Variants in FARP1 observed in about 807,000 individuals in gnomAD.
The protein encoded by FARP1 is FERM, ARH/RhoGEF and pleckstrin domain protein 1.
In FARP1, 52 loss-of-function variants were observed where a neutral mutation model predicts 128.8. That is an observed-to-expected ratio of 0.40 (90% CI 0.32 to 0.51). FARP1 has a LOEUF of 0.51. Among genes scored for constraint, FARP1 ranks in the 20% least tolerant of loss-of-function variants. FARP1 has a pLI of 0.45. For missense variants in FARP1, 1,333 were observed against 1,367.9 expected, an observed-to-expected ratio of 0.97 and a Z score of 0.40; for synonymous variants, 580 against 551.8, an observed-to-expected ratio of 1.05 and a Z score of -0.72.
chr13:98,149,405 C>T (rs1259327370), intron 1 of FARP1, among the ~76,000 whole-genome samples: 2 of 145,988 alleles, frequency 1.4e-5, no homozygotes, highest in East Asian at 4.0e-4. Context: ...ATGAATACAG[C>T]TGCTGTGAAC....
chr13:98,213,520 C>G, intron 2 of FARP1, 107 bp downstream of exon 2: 1 of 1,175,890 alleles, frequency 8.5e-7, no homozygotes. Flanking sequence ...GGCTGGAGGT[C>G]CTGCATGTTC....
intron 2 of FARP1, among the ~76,000 whole-genome samples, chr13:98,312,362 A>G (rs1461839722): frequency 4.0e-5 from 6 of 151,724 alleles, no homozygotes; most frequent in African/African-American, 1.5e-4. Flanking sequence ...GATGGTCTCA[A>G]TCTCCTGACC....
chr13:98,248,141 C>T (rs947777232), intron 2 of FARP1, among the ~76,000 whole-genome samples: 5 of 152,156 alleles, frequency 3.3e-5, no homozygotes, highest in African/African-American at 1.2e-4. Flanking sequence ...CAAACAGCAA[C>T]TCTAATGAGA....
In FARP1 at chr13:98,237,931, T is replaced by C. The variant is rs7995692; in HGVS notation, c.171+24518T>C. Among the ~76,000 whole-genome samples the C allele has an allele frequency of 3.7e-3, 571 of 152,300 alleles. 5 individuals carry two copies. The highest frequency in any genetic ancestry group is 0.013 in the African/African-American group (541 of 41,546). The stretch of plus-strand genomic sequence containing the variant: ...TTGCGAAATGCTGTTTTATCTTGTA[T>C]TGAAAATGCAGCTTTTATGTGAGTG... On this transcript the variant is annotated intron_variant, in intron 2 of 26. Transcript: ENST00000319562.
intron 2 of FARP1, among the ~76,000 whole-genome samples, chr13:98,305,124 TAA>T (rs1275991469): frequency 6.6e-5 from 10 of 150,434 alleles, no homozygotes; most frequent in South Asian, 4.2e-4. Context: ...ATATATTTTT[TAA>T]TTTATTTATT....
In FARP1 at chr13:98,349,019, C is replaced by T. The variant is rs551887190; in HGVS notation, c.276+5153C>T. On this transcript the variant is annotated intron_variant, in intron 3 of 26. Transcript: ENST00000319562. ...TGTGGCTGCCTGTCCTTGGATCTCC[C>T]GTCGGAAAGAGCTGCACAAACCGTA... 7.2e-5 allele frequency among the ~76,000 whole-genome samples: 11 copies of T among 152,290 alleles called. No homozygotes were observed. The East Asian group carries it at 1.9e-3, about 27-fold the overall frequency.
At chr13:98,192,095 AAAAAC>A (rs1173002633) in intron 1 of FARP1, among the ~76,000 whole-genome samples, 1 of 152,184 alleles carries the variant, frequency 6.6e-6, no homozygotes, top group African/African-American at 2.4e-5. Flanking sequence ...TCTTTAAAAA[AAAAAC>A]AAACTTTAAC....
chr13:98,394,269 C>T (rs1184952599), intron 12 of FARP1, among the ~76,000 whole-genome samples: 1 of 152,182 alleles, frequency 6.6e-6, no homozygotes, highest in African/African-American at 2.4e-5. Flanking sequence ...GTTCTCAGGG[C>T]TTTCTCTAAA....
intron 3 of FARP1, among the ~76,000 whole-genome samples, chr13:98,355,232 C>T (rs1334179515): frequency 6.6e-6 from 1 of 151,906 alleles, no homozygotes; most frequent in African/African-American, 2.4e-5. Context: ...GTAGTCCTAG[C>T]TACTTGAGGG....
intron 1 of FARP1, among the ~76,000 whole-genome samples, chr13:98,155,144 C>T (rs1039487905): frequency 5.9e-5 from 9 of 151,978 alleles, no homozygotes; most frequent in East Asian, 3.9e-4. Flanking sequence ...GTTGGGAGTT[C>T]GAGACCAGCC....
intron 2 of FARP1, among the ~76,000 whole-genome samples, chr13:98,324,431 G>A (rs1036042766): frequency 2.0e-5 from 3 of 152,108 alleles, no homozygotes; most frequent in East Asian, 1.9e-4. Flanking sequence ...CATTTAATTC[G>A]TAACTGTCTG....
At chr13:98,319,117 C>T (rs915249136) in intron 2 of FARP1, among the ~76,000 whole-genome samples, 2 of 151,750 alleles carry the variant, frequency 1.3e-5, no homozygotes, top group African/African-American at 4.8e-5. Flanking sequence ...TGTGCACCAC[C>T]AGCCCCGTCC....
chr13:98,393,403 A>C (rs552200955), intron 11 of FARP1, among the ~76,000 whole-genome samples: 1 of 152,212 alleles, frequency 6.6e-6, no homozygotes, highest in South Asian at 2.1e-4. Context: ...CACCGTGAGA[A>C]CTACAACAAG....
At chr13:98,180,272 G>A (rs1878413051) in intron 1 of FARP1, among the ~76,000 whole-genome samples, 2 of 152,022 alleles carry the variant, frequency 1.3e-5, no homozygotes, top group Non-Finnish European at 2.9e-5. Context: ...TGGCAAGAGT[G>A]GGAGTGAGAG....
At chr13:98,157,722 G>C (rs1225884730) in intron 1 of FARP1, among the ~76,000 whole-genome samples, 2 of 152,218 alleles carry the variant, frequency 1.3e-5, no homozygotes, top group Admixed American at 6.5e-5. Context: ...TGGCAGAGCA[G>C]AGATAGAAGC....
intron 2 of FARP1, among the ~76,000 whole-genome samples, chr13:98,287,208 C>CTTTTTTTTTTTTTTTT (rs71111939): frequency 2.1e-4 from 16 of 75,842 alleles, no homozygotes; most frequent in African/African-American, 3.3e-4. Context: ...TCAGACATGT[C>CTTTTTTTTTTTTTTTT]TTTTTTTTTT....
chr13:98,240,878 C>A (rs1425746565), intron 2 of FARP1, among the ~76,000 whole-genome samples: 3 of 152,220 alleles, frequency 2.0e-5, no homozygotes, highest in African/African-American at 7.2e-5. Flanking sequence ...ACCCGGAAAC[C>A]TGGCATTCCT....
Position 98,450,475 on chromosome 13 carries a change from A to G in FARP1, c.*2158A>G, listed in dbSNP as rs1893135472. 6.6e-6 allele frequency: 1 copy of G among 152,298 alleles called. No individual in the cohort carries two copies. Among genetic ancestry groups the G allele is most frequent in the South Asian group, 2.1e-4 (1 of 4,836 alleles). The allele number at this position is 152,298 out of a possible 1,614,324, so 9.4% of individuals were successfully genotyped here. On this transcript the variant is annotated 3_prime_UTR_variant, in exon 27 of 27. Coordinates refer to ENST00000319562, the MANE Select transcript of FARP1 (RefSeq NM_005766.4). ...GGAAGGCAGATGCACTTCCAAGAAA[A>G]TCAGAACCCAGCAAGAAGTGGCCAG...
In FARP1 at chr13:98,359,884, T is replaced by C. The variant is rs545343810; in HGVS notation, c.277-5511T>C. On this transcript the variant is annotated intron_variant, in intron 3 of 26. Coordinates refer to ENST00000319562, the MANE Select transcript of FARP1 (RefSeq NM_005766.4). ...TGTGTTCCAAACGGGGAAGGTAGCATTAACAGGGCATCAGAGACAAATCGG... is the reference window on the plus strand; with the variant it reads ...TGTGTTCCAAACGGGGAAGGTAGCACTAACAGGGCATCAGAGACAAATCGG... 3.9e-5 allele frequency among the ~76,000 whole-genome samples: 6 copies of C among 152,232 alleles called. 1 individual carries two copies. Among genetic ancestry groups the C allele is most frequent in the African/African-American group, 1.4e-4 (6 of 41,526 alleles).
Sources: gnomAD v4.1 joint callset for allele counts (sites outside exome capture counted in the v4.1 genomes callset) on GRCh38, gnomAD v4.1.1 for gene constraint, MANE v1.5 for transcripts, NCBI Gene and HGNC (gene_info 2026-07-23, HGNC 2026-07-21) for gene names.